CAMK1D: variants seen among roughly 807,000 people sequenced by gnomAD.
CAMK1D encodes calcium/calmodulin dependent protein kinase ID, also known as calcium/calmodulin-dependent protein kinase type 1D.
CAMK1D carries 9 observed loss-of-function variants against 47.7 expected under a neutral mutation model. That is an observed-to-expected ratio of 0.19 (90% CI 0.11 to 0.33). The LOEUF (loss-of-function observed/expected upper bound fraction) is 0.33. Among genes scored for constraint, CAMK1D ranks in the 10% least tolerant of loss-of-function variants. The pLI is 1.00. For synonymous variants in CAMK1D, 184 were observed against 184.9 expected, an observed-to-expected ratio of 0.99 and a Z score of 0.04; for missense variants, 291 against 488.7, an observed-to-expected ratio of 0.60 and a Z score of 3.81.
At chr10:12,471,228 A>G (rs1169744636) in intron 1 of CAMK1D, among the ~76,000 whole-genome samples, 1 of 152,154 alleles carries the variant, frequency 6.6e-6, no homozygotes, top group Non-Finnish European at 1.5e-5. Context: ...CCCACTTTCA[A>G]AGTGGGAATC....
intron 1 of CAMK1D, among the ~76,000 whole-genome samples, chr10:12,516,108 AGTTT>A (rs906387419): frequency 5.3e-5 from 8 of 151,268 alleles, no homozygotes; most frequent in South Asian, 2.1e-4. Flanking sequence ...GGTTCTTTCC[AGTTT>A]GTTTGTTTGT....
intron 1 of CAMK1D, among the ~76,000 whole-genome samples, chr10:12,504,528 G>A (rs1008648712): frequency 1.1e-4 from 16 of 152,108 alleles, no homozygotes; most frequent in African/African-American, 3.6e-4. Flanking sequence ...ATCGGTGAGG[G>A]TGAACCTTCT....
At chr10:12,518,865 G>C (rs1835293694) in intron 1 of CAMK1D, among the ~76,000 whole-genome samples, 1 of 126,164 alleles carries the variant, frequency 7.9e-6, no homozygotes, top group African/African-American at 3.0e-5. Flanking sequence ...AGAACAAAAT[G>C]AAAAGTCTCC....
At position 12,599,667 on chromosome 10, in the gene CAMK1D, G is replaced by A. The variant is rs149114855; in HGVS notation, c.224+46311G>A. Among the ~76,000 whole-genome samples, 93 of 152,308 alleles carry A rather than the reference G, an allele frequency of 6.1e-4. 1 individual carries two copies. In the East Asian group the frequency reaches 0.014, roughly 23 times the overall value. On this transcript the variant is annotated intron_variant, in intron 2 of 10. Transcript: ENST00000619168. ...GAGCAGTCCTACCACTTTGGCCTTT[G>A]TGTCCTCCATGAAGAGATGCTGGTG...
chr10:12,672,901 T>TTTTTTTTTGTTTTTTTTTTGTTTTG (rs1428716127), intron 3 of CAMK1D, among the ~76,000 whole-genome samples: 1 of 147,064 alleles, frequency 6.8e-6, no homozygotes, highest in Non-Finnish European at 1.5e-5. Context: ...CTTGCCTTTT[T>TTTTTTTTTGTTTTTTTTTTGTTTTG]TTTTTTTTTT....
intron 1 of CAMK1D, among the ~76,000 whole-genome samples, chr10:12,523,146 G>A (rs911202118): frequency 2.6e-5 from 4 of 150,988 alleles, no homozygotes; most frequent in Non-Finnish European, 4.4e-5. Flanking sequence ...CCTCCCAGAC[G>A]GGGTCGCGGC....
chr10:12,687,357 C>T (rs1321944200), intron 3 of CAMK1D, among the ~76,000 whole-genome samples: 1 of 151,740 alleles, frequency 6.6e-6, no homozygotes, highest in Non-Finnish European at 1.5e-5. Flanking sequence ...AACCATGTGC[C>T]AGAAATTTTT....
intron 3 of CAMK1D, among the ~76,000 whole-genome samples, chr10:12,716,654 C>T (rs972953434): frequency 5.3e-5 from 8 of 152,234 alleles, no homozygotes; most frequent in Admixed American, 6.5e-5. Context: ...ATGAAGGCTA[C>T]GACTGCGTCA....
At chr10:12,647,191 C>T (rs1182457902) in intron 2 of CAMK1D, among the ~76,000 whole-genome samples, 1 of 127,538 alleles carries the variant, frequency 7.8e-6, no homozygotes, top group Non-Finnish European at 1.6e-5. Flanking sequence ...ACTCTTGTTG[C>T]CCAGGCTGGA....
chr10:12,791,279 T>A lies in CAMK1D; in HGVS notation c.641+46T>A, dbSNP rs775273215. Reference sequence around the variant, plus strand: ...TGGGTTCTTCCTCTACCGGCCTTTTTTTGTTTGGTGAAATATACATGAAAC... The same window carrying A: ...TGGGTTCTTCCTCTACCGGCCTTTTATTGTTTGGTGAAATATACATGAAAC... On this transcript the variant is annotated intron_variant, in intron 6 of 10. Transcript: ENST00000619168. The A allele has an allele frequency of 1.1e-4, 166 of 1,564,902 alleles. No individual in the cohort carries two copies. In the Middle Eastern group the frequency reaches 2.0e-3, roughly 19 times the overall value.
At chr10:12,492,255 C>A (rs760867709) in intron 1 of CAMK1D, among the ~76,000 whole-genome samples, 14 of 151,654 alleles carry the variant, frequency 9.2e-5, no homozygotes, top group Non-Finnish European at 1.9e-4. Flanking sequence ...GCCTGAGCCG[C>A]CATCATGGTG....
At chr10:12,641,419 C>A (rs1202280834) in intron 2 of CAMK1D, among the ~76,000 whole-genome samples, 1 of 152,058 alleles carries the variant, frequency 6.6e-6, no homozygotes, top group Admixed American at 6.6e-5. Flanking sequence ...CCCAGGAATT[C>A]GAGACCACTC....
At chr10:12,650,853 G>C (rs1839940333) in intron 2 of CAMK1D, among the ~76,000 whole-genome samples, 2 of 152,150 alleles carry the variant, frequency 1.3e-5, no homozygotes, top group Admixed American at 1.3e-4. Flanking sequence ...GATAAAAAGA[G>C]AGAGGAAAAA....
Position 12,828,811 on chromosome 10 carries a change from C to T in CAMK1D, c.1082C>T (p.Ser361Leu), listed in dbSNP as rs779605714. 1.9e-5 allele frequency: 31 copies of T among 1,613,720 alleles called. No homozygotes were observed. The highest frequency in any genetic ancestry group is 3.3e-5 in the Admixed American group (2 of 59,982). ...CTCTGTAGTTTCATTTCTTCTTCGT[C>T]GGGGGTCTCAGGAGTTGGAGCCGAG... ...STLCSFISSS[S>L]GVSGVGAERR... The change falls in exon 11 of 11, where the codon TCG (serine) becomes TTG (leucine). Residue 361 changes from serine (S) to leucine (L), a missense_variant. This residue lies in a region of CAMK1D where 72 missense variants were observed against 64.4 expected (regional missense o/e 1.12). Coordinates refer to ENST00000619168, the MANE Select transcript of CAMK1D (RefSeq NM_153498.4).
intron 3 of CAMK1D, among the ~76,000 whole-genome samples, chr10:12,684,495 T>A (rs1192760555): frequency 5.9e-5 from 9 of 151,512 alleles, no homozygotes; most frequent in Non-Finnish European, 1.0e-4. Flanking sequence ...ATAACTAATT[T>A]AAAAAAAAAT....
chr10:12,388,780 AG>A (rs1346722263), intron 1 of CAMK1D, among the ~76,000 whole-genome samples: 1 of 152,130 alleles, frequency 6.6e-6, no homozygotes, highest in Non-Finnish European at 1.5e-5. Context: ...TGGCAATGCG[AG>A]GTTTGTCTGC....
intron 3 of CAMK1D, among the ~76,000 whole-genome samples, chr10:12,731,279 A>C (rs1025364051): frequency 5.3e-5 from 8 of 152,178 alleles, no homozygotes; most frequent in African/African-American, 1.9e-4. Context: ...AATGTGGAGT[A>C]ACTTGGTGCA....
chr10:12,529,114 A>C (rs1398522075), intron 1 of CAMK1D, among the ~76,000 whole-genome samples: 1 of 152,140 alleles, frequency 6.6e-6, no homozygotes, highest in African/African-American at 2.4e-5. Flanking sequence ...CTGAGATTAC[A>C]GGTGTGAGCC....
intron 3 of CAMK1D, among the ~76,000 whole-genome samples, chr10:12,698,979 C>CT (rs763573074): frequency 6.6e-5 from 10 of 151,586 alleles, no homozygotes; most frequent in South Asian, 2.1e-4. Context: ...CCTAGAGATT[C>CT]TTTTTTTTAA....
Sources: gnomAD v4.1 joint callset for allele counts (sites outside exome capture counted in the v4.1 genomes callset) on GRCh38, gnomAD v4.1.1 for gene constraint, gnomAD v4.1.1 regional missense constraint, MANE v1.5 for transcripts, NCBI Gene and HGNC (gene_info 2026-07-23, HGNC 2026-07-21) for gene names.